Variants in SLC44A5 observed in about 807,000 individuals in gnomAD.
SLC44A5 encodes the protein solute carrier family 44 member 5.
In SLC44A5, 57 loss-of-function variants were observed where a neutral mutation model predicts 101.8. That is an observed-to-expected ratio of 0.56 (90% confidence interval 0.45 to 0.70). SLC44A5 has a LOEUF of 0.70. SLC44A5 is among the 30% of genes least tolerant of loss of function. The pLI is 0.00. For synonymous variants in SLC44A5, 281 were observed against 290.9 expected (o/e 0.97, Z 0.35); for missense variants, 737 against 853.1 (o/e 0.86, Z 1.70).
intron 18 of SLC44A5, 28 bp downstream of exon 18, chr1:75,217,838 A>C: frequency 1.4e-6 from 2 of 1,436,758 alleles, no homozygotes; most frequent in Non-Finnish European, 2.0e-6. Flanking sequence ...TATTATCTTC[A>C]CAAAAGTCAG....
the SLC44A5 span, among the ~76,000 whole-genome samples, chr1:75,634,442 A>T: frequency 4.6e-5 from 7 of 151,896 alleles, no homozygotes; most frequent in Admixed American, 4.6e-4. Context: ...CCAAAACAGC[A>T]TGGTACTGGT....
chr1:75,536,797 G>T (rs1247407411), intron 2 of SLC44A5, among the ~76,000 whole-genome samples: 29 of 145,438 alleles, frequency 2.0e-4, no homozygotes, highest in African/African-American at 7.2e-4. Flanking sequence ...ACGAGGTCAG[G>T]AGATCGAGAC....
At chr1:75,418,830 A>T (rs189713369) in intron 2 of SLC44A5, among the ~76,000 whole-genome samples, 5 of 152,330 alleles carry the variant, frequency 3.3e-5, no homozygotes, top group African/African-American at 9.6e-5. Flanking sequence ...AGCAGGAGAA[A>T]CTTCTGCTTC....
intron 2 of SLC44A5, among the ~76,000 whole-genome samples, chr1:75,503,434 G>GCT (rs1485445092): frequency 6.6e-6 from 1 of 151,746 alleles, no homozygotes; most frequent in African/African-American, 2.4e-5. Flanking sequence ...TTCCCCCTTT[G>GCT]CTCTCTCTCT....
intron 2 of SLC44A5, among the ~76,000 whole-genome samples, chr1:75,516,625 C>T (rs1015577849): frequency 6.6e-6 from 1 of 152,148 alleles, no homozygotes; most frequent in African/African-American, 2.4e-5. Context: ...AATAAATGAA[C>T]TGATGGGAGA....
At chr1:75,232,296 A>G (rs896222351) in intron 12 of SLC44A5, among the ~76,000 whole-genome samples, 1 of 152,172 alleles carries the variant, frequency 6.6e-6, no homozygotes, top group Non-Finnish European at 1.5e-5. Context: ...TACTTAAGAC[A>G]TCAGTTAAGT....
chr1:75,393,434 T>G (rs1305987244), intron 3 of SLC44A5, among the ~76,000 whole-genome samples: 3 of 152,216 alleles, frequency 2.0e-5, no homozygotes, highest in Non-Finnish European at 4.4e-5. Context: ...TAAAAACTCT[T>G]CTTTATCCTG....
chr1:75,318,745 C>T (rs1655908042), intron 4 of SLC44A5, among the ~76,000 whole-genome samples: 1 of 152,266 alleles, frequency 6.6e-6, no homozygotes, highest in African/African-American at 2.4e-5. Flanking sequence ...CTCTAAGCTT[C>T]ATTTTTGCCA....
intron 6 of SLC44A5, among the ~76,000 whole-genome samples, chr1:75,257,813 G>GA (rs1650140984): frequency 6.6e-6 from 1 of 152,078 alleles, no homozygotes; most frequent in Non-Finnish European, 1.5e-5. Flanking sequence ...GAACTACTCA[G>GA]AAAAAGGGTG....
Position 75,396,603 on chromosome 1 carries a change from G to A in SLC44A5, c.32C>T (p.Pro11Leu). The A allele has an allele frequency of 6.2e-7, 1 of 1,612,702 alleles. No individual in the cohort carries two copies. The highest frequency in any genetic ancestry group is 8.5e-7 in the Non-Finnish European group (1 of 1,179,256). The change falls in exon 3 of 24, where the codon CCC becomes CTC. Residue 11 changes from proline to leucine, a missense_variant. Coordinates refer to ENST00000370859, the MANE Select transcript of SLC44A5 (RefSeq NM_001130058.2). The part of the protein sequence containing the change: MNDTEKPADT[P>L]SEEEDFGDPR... ...CTTACCAAAGTCCTCTTCCTCAGAGGGAGTATCTGCTGGTTTTTCTAGGAA... is the reference window on the plus strand; with the variant it reads ...CTTACCAAAGTCCTCTTCCTCAGAGAGAGTATCTGCTGGTTTTTCTAGGAA...
chr1:75,615,432 T>TACACACACACACACACACACACAC (rs776361396), upstream of SLC44A5, among the ~76,000 whole-genome samples: 9 of 77,056 alleles, frequency 1.2e-4, no homozygotes, highest in South Asian at 5.3e-4. Flanking sequence ...CACACACACA[T>TACACACACACACACACACACACAC]ACATACACAC....
At chr1:75,670,942 C>T in the SLC44A5 span, among the ~76,000 whole-genome samples, 3 of 152,010 alleles carry the variant, frequency 2.0e-5, no homozygotes, top group African/African-American at 7.2e-5. Flanking sequence ...CAGAAATGAC[C>T]GTCATGAAGA....
At chr1:75,478,816 C>G (rs935039944) in intron 2 of SLC44A5, among the ~76,000 whole-genome samples, 2 of 152,156 alleles carry the variant, frequency 1.3e-5, no homozygotes, top group African/African-American at 4.8e-5. Context: ...ACTTTAACAC[C>G]CCACTGTCAA....
chr1:75,499,319 A>G (rs1324428449), intron 2 of SLC44A5, among the ~76,000 whole-genome samples: 1 of 152,210 alleles, frequency 6.6e-6, no homozygotes, highest in Non-Finnish European at 1.5e-5. Flanking sequence ...TAAGGTGCAC[A>G]CAACATAGAT....
the SLC44A5 span, among the ~76,000 whole-genome samples, chr1:75,640,422 C>A: frequency 5.3e-5 from 8 of 151,950 alleles, no homozygotes; most frequent in African/African-American, 1.5e-4. Flanking sequence ...TTGGCTGGAG[C>A]AAGTCAATGG....
chr1:75,532,258 C>A (rs547744835), intron 2 of SLC44A5, among the ~76,000 whole-genome samples: 1 of 152,144 alleles, frequency 6.6e-6, no homozygotes, highest in Non-Finnish European at 1.5e-5. Flanking sequence ...AGCATACTCT[C>A]GGGAATTAAC....
chr1:75,667,899 G>A, the SLC44A5 span, among the ~76,000 whole-genome samples: 8 of 152,146 alleles, frequency 5.3e-5, no homozygotes, highest in South Asian at 2.1e-4. Context: ...CTTTTTATTC[G>A]AAGAATATGG....
chr1:75,635,183 A>G, the SLC44A5 span, among the ~76,000 whole-genome samples: 1 of 151,546 alleles, frequency 6.6e-6, no homozygotes, highest in Non-Finnish European at 1.5e-5. Context: ...GGATGTGGAG[A>G]AATAGGAACA....
chr1:75,358,628 T>C (rs940583057), intron 3 of SLC44A5, among the ~76,000 whole-genome samples: 16 of 152,268 alleles, frequency 1.1e-4, no homozygotes, highest in South Asian at 4.1e-4. Flanking sequence ...ATATATAGTA[T>C]AGTATTATTA....
Sources: allele counts gnomAD v4.1 joint callset (sites outside exome capture counted in the v4.1 genomes callset), GRCh38; gene constraint gnomAD v4.1.1; transcripts MANE v1.5; gene names NCBI Gene and HGNC (gene_info 2026-07-23, HGNC 2026-07-21).